CSMD3: variants seen among roughly 807,000 people sequenced by gnomAD.
CSMD3 encodes CUB and sushi domain-containing protein 3.
CSMD3 carries 177 observed loss-of-function variants against 435.2 expected under a neutral mutation model. The ratio of observed to expected loss-of-function variants is 0.41; its 90% CI spans 0.36 to 0.46. CSMD3 has a LOEUF of 0.46. Ranked by LOEUF, CSMD3 falls within the 20% of genes least tolerant of loss-of-function variation. CSMD3 has a pLI of 0.34. For synonymous variants in CSMD3, 1,656 were observed against 1,520.5 expected, an observed-to-expected ratio of 1.09 and a Z score of -2.07; for missense variants, 4,265 against 4,504.6, an observed-to-expected ratio of 0.95 and a Z score of 1.52.
chr8:112,557,693 C>T (rs530085972), intron 24 of CSMD3, among the ~76,000 whole-genome samples: 1 of 151,862 alleles, frequency 6.6e-6, no homozygotes, highest in Non-Finnish European at 1.5e-5. Context: ...ACCCCAAATC[C>T]CCACTCCATG....
intron 7 of CSMD3, among the ~76,000 whole-genome samples, chr8:112,967,132 G>T (rs1289044509): frequency 6.6e-6 from 1 of 151,312 alleles, no homozygotes; most frequent in Non-Finnish European, 1.5e-5. Context: ...GATGATTCAT[G>T]TCCACAATGA....
intron 70 of CSMD3, among the ~76,000 whole-genome samples, chr8:112,226,946 A>C (rs78829941): frequency 1.1e-4 from 16 of 152,304 alleles, no homozygotes; most frequent in Non-Finnish European, 1.9e-4. Flanking sequence ...GCTTTGGACA[A>C]AGCAGAACCT....
chr8:112,844,528 T>C (rs73702236), intron 11 of CSMD3, among the ~76,000 whole-genome samples: 2,004 of 152,126 alleles, frequency 0.013, 45 homozygotes, highest in African/African-American at 0.046. Context: ...TCTTAAGAGA[T>C]AGCTTACATT....
chr8:112,542,189 C>G (rs1826730083), intron 27 of CSMD3, among the ~76,000 whole-genome samples: 1 of 148,476 alleles, frequency 6.7e-6, no homozygotes, highest in African/African-American at 2.5e-5. Flanking sequence ...AAGACCACAG[C>G]TAACATCATA....
chr8:112,592,958 T>A (rs753821869), intron 22 of CSMD3, among the ~76,000 whole-genome samples: 2 of 152,116 alleles, frequency 1.3e-5, no homozygotes, highest in African/African-American at 4.8e-5. Context: ...AGAAGTAGTA[T>A]ATTTTAAAGA....
intron 16 of CSMD3, among the ~76,000 whole-genome samples, chr8:112,673,239 C>T (rs143446294): frequency 1.7e-4 from 26 of 151,060 alleles, no homozygotes; most frequent in East Asian, 1.2e-3. Flanking sequence ...CAAACCTCAG[C>T]ACACTGCATC....
intron 32 of CSMD3, among the ~76,000 whole-genome samples, chr8:112,469,849 T>C (rs992991882): frequency 6.6e-6 from 1 of 151,918 alleles, no homozygotes; most frequent in Admixed American, 6.6e-5. Flanking sequence ...ATGAAACATA[T>C]AGAAGAAGGA....
At chr8:112,694,756 T>C (rs930452633) in intron 13 of CSMD3, among the ~76,000 whole-genome samples, 3 of 152,184 alleles carry the variant, frequency 2.0e-5, no homozygotes, top group Non-Finnish European at 2.9e-5. Flanking sequence ...ACCATGCTAT[T>C]GTGGAGAACT....
intron 22 of CSMD3, among the ~76,000 whole-genome samples, chr8:112,601,822 C>G (rs1832374389): frequency 6.6e-6 from 1 of 152,196 alleles, no homozygotes; most frequent in Non-Finnish European, 1.5e-5. Flanking sequence ...AATTTCATAA[C>G]TGCCTTGGCA....
At chr8:112,239,306 C>T (rs4876461) in intron 66 of CSMD3, among the ~76,000 whole-genome samples, 64,658 of 151,840 alleles carry the variant, frequency 0.43, 15,764 homozygotes, top group African/African-American at 0.68. Flanking sequence ...TTCAGCTAAA[C>T]TTTTCCTTTT....
intron 13 of CSMD3, among the ~76,000 whole-genome samples, chr8:112,698,803 G>C (rs989206815): frequency 6.6e-6 from 1 of 152,100 alleles, no homozygotes; most frequent in Non-Finnish European, 1.5e-5. Flanking sequence ...AAGCCGGCTG[G>C]GCTTCTGGGT....
At chr8:113,076,509 T>A (rs1298898088) in intron 5 of CSMD3, among the ~76,000 whole-genome samples, 2 of 152,044 alleles carry the variant, frequency 1.3e-5, no homozygotes, top group Non-Finnish European at 2.9e-5. Context: ...ATTAAATCTA[T>A]AGTAGTACAA....
chr8:113,186,264 A>T (rs2092500057), intron 3 of CSMD3, among the ~76,000 whole-genome samples: 1 of 151,902 alleles, frequency 6.6e-6, no homozygotes, highest in Non-Finnish European at 1.5e-5. Flanking sequence ...CTCCTCCCTG[A>T]CCATATGGCC....
At chr8:113,424,916 A>C (rs968713548) in intron 1 of CSMD3, among the ~76,000 whole-genome samples, 4 of 151,580 alleles carry the variant, frequency 2.6e-5, no homozygotes, top group East Asian at 1.9e-4. Flanking sequence ...TTACACGGGA[A>C]GAAAATCCCA....
At chr8:112,791,673 T>TA in intron 13 of CSMD3, among the ~76,000 whole-genome samples, 1 of 152,182 alleles carries the variant, frequency 6.6e-6, no homozygotes. Context: ...GTAGAAATTT[T>TA]AAAAAATCTA....
chr8:112,374,328 T>A (rs1828737686), intron 38 of CSMD3, among the ~76,000 whole-genome samples: 1 of 152,162 alleles, frequency 6.6e-6, no homozygotes, highest in Non-Finnish European at 1.5e-5. Context: ...TTACCTCTCT[T>A]TTTCCATATC....
intron 4 of CSMD3, among the ~76,000 whole-genome samples, chr8:113,120,603 T>C (rs2090959321): frequency 1.3e-5 from 2 of 152,184 alleles, no homozygotes; most frequent in African/African-American, 4.8e-5. Context: ...TGTAAGAAGA[T>C]ATGTGTCAGG....
At chr8:113,239,366 A>C (rs1459371728) in intron 3 of CSMD3, among the ~76,000 whole-genome samples, 1 of 152,080 alleles carries the variant, frequency 6.6e-6, no homozygotes, top group Non-Finnish European at 1.5e-5. Flanking sequence ...GTCTATTTTT[A>C]ATTTTGCATA....
chr8:113,211,366 C>T (rs2092832503), intron 3 of CSMD3, among the ~76,000 whole-genome samples: 1 of 152,010 alleles, frequency 6.6e-6, no homozygotes, highest in Admixed American at 6.6e-5. Flanking sequence ...CACTGAAGGT[C>T]ACTAAATAAT....
Sources: allele counts gnomAD v4.1 joint callset (sites outside exome capture counted in the v4.1 genomes callset), GRCh38; gene constraint gnomAD v4.1.1; transcripts MANE v1.5; gene names NCBI Gene and HGNC (gene_info 2026-07-23, HGNC 2026-07-21).